Variants in GALNT13 observed in about 807,000 individuals in gnomAD.
The protein encoded by GALNT13 is UDP-GalNAc:polypeptide N-acetylgalactosaminyltransferase 13.
In GALNT13, 28 loss-of-function variants were observed where a neutral mutation model predicts 64.2. The observed-to-expected ratio is 0.44, with a 90% CI of 0.32 to 0.60. GALNT13 has a LOEUF of 0.60. GALNT13 is among the 20% of genes least tolerant of loss of function. The pLI, the probability that GALNT13 is intolerant of heterozygous loss-of-function variation, is 0.05. For missense variants in GALNT13, 577 were observed against 669.8 expected, an observed-to-expected ratio of 0.86 and a Z score of 1.53; for synonymous variants, 214 against 224.6, an observed-to-expected ratio of 0.95 and a Z score of 0.42.
chr2:154,176,689 G>A (rs555223860), intron 4 of GALNT13, among the ~76,000 whole-genome samples: 2 of 152,228 alleles, frequency 1.3e-5, no homozygotes, highest in East Asian at 1.9e-4. Flanking sequence ...ACCAGGAAGA[G>A]GAAAACCATG....
At chr2:154,150,188 T>G (rs1020478558) in intron 4 of GALNT13, among the ~76,000 whole-genome samples, 2 of 152,236 alleles carry the variant, frequency 1.3e-5, no homozygotes, top group African/African-American at 4.8e-5. Context: ...GAGATAATCA[T>G]GTGGTTTTTG....
chr2:154,151,309 T>G (rs958499105), intron 4 of GALNT13, among the ~76,000 whole-genome samples: 3 of 152,202 alleles, frequency 2.0e-5, no homozygotes, highest in Admixed American at 6.5e-5. Context: ...TTGTTATAAT[T>G]TCTGTTCTTT....
the GALNT13 span, among the ~76,000 whole-genome samples, chr2:153,385,320 T>A: frequency 6.6e-6 from 1 of 152,092 alleles, no homozygotes; most frequent in African/African-American, 2.4e-5. Flanking sequence ...AAAGAAAATG[T>A]GGTACATATA....
At chr2:153,367,098 A>G in the GALNT13 span, among the ~76,000 whole-genome samples, 1 of 152,268 alleles carries the variant, frequency 6.6e-6, no homozygotes, top group South Asian at 2.1e-4. Context: ...AATGTATCAC[A>G]GAGAGACTGA....
chr2:154,104,583 G>A (rs942189745), intron 3 of GALNT13, among the ~76,000 whole-genome samples: 4 of 152,150 alleles, frequency 2.6e-5, no homozygotes, highest in South Asian at 2.1e-4. Flanking sequence ...ACAAAACAAT[G>A]CTCCCCTCTT....
At chr2:153,232,514 G>T in the GALNT13 span, among the ~76,000 whole-genome samples, 1 of 152,108 alleles carries the variant, frequency 6.6e-6, no homozygotes, top group African/African-American at 2.4e-5. Context: ...TTAAGACCTC[G>T]CTATAATTTC....
the GALNT13 span, among the ~76,000 whole-genome samples, chr2:153,708,811 G>A: frequency 3.9e-4 from 60 of 152,144 alleles, no homozygotes; most frequent in Non-Finnish European, 6.2e-4. Context: ...TTGACCAATG[G>A]AATATAATAG....
the GALNT13 span, among the ~76,000 whole-genome samples, chr2:153,250,735 A>G: frequency 6.6e-6 from 1 of 152,174 alleles, no homozygotes; most frequent in African/African-American, 2.4e-5. Context: ...TTCCGGGGAC[A>G]TGGATGAAGC....
intron 9 of GALNT13, among the ~76,000 whole-genome samples, chr2:154,366,694 C>T (rs896462522): frequency 2.6e-5 from 4 of 152,110 alleles, no homozygotes; most frequent in Admixed American, 2.0e-4. Flanking sequence ...CGGGAATTTG[C>T]GCACCGTGGG....
chr2:153,399,209 G>A, the GALNT13 span, among the ~76,000 whole-genome samples: 1 of 148,410 alleles, frequency 6.7e-6, no homozygotes, highest in Admixed American at 6.7e-5. Flanking sequence ...GTTTTTCTCA[G>A]GTTTGTCAAA....
the GALNT13 span, among the ~76,000 whole-genome samples, chr2:153,517,182 G>C: frequency 6.6e-6 from 1 of 152,072 alleles, no homozygotes; most frequent in Admixed American, 6.6e-5. Flanking sequence ...ATAAAAAATA[G>C]TACATATACT....
chr2:153,251,012 C>T, the GALNT13 span, among the ~76,000 whole-genome samples: 1 of 152,120 alleles, frequency 6.6e-6, no homozygotes, highest in African/African-American at 2.4e-5. Flanking sequence ...CCTGCACATT[C>T]TGCACATGTA....
At chr2:153,439,916 T>C in the GALNT13 span, among the ~76,000 whole-genome samples, 1 of 152,186 alleles carries the variant, frequency 6.6e-6, no homozygotes, top group Admixed American at 6.5e-5. Context: ...TCGCTCACGC[T>C]GGGAGCTGCA....
At chr2:153,684,717 T>G in the GALNT13 span, among the ~76,000 whole-genome samples, 1 of 151,706 alleles carries the variant, frequency 6.6e-6, no homozygotes, top group African/African-American at 2.4e-5. Flanking sequence ...AACTTGTGTC[T>G]TGGGGGCTTG....
intron 3 of GALNT13, among the ~76,000 whole-genome samples, chr2:154,095,587 A>G (rs1253978392): frequency 2.6e-5 from 4 of 151,956 alleles, no homozygotes; most frequent in South Asian, 2.1e-4. Context: ...CTTAATGCCT[A>G]TGGTTTCCCT....
chr2:153,207,255 C>T, the GALNT13 span, among the ~76,000 whole-genome samples: 1 of 152,062 alleles, frequency 6.6e-6, no homozygotes, highest in African/African-American at 2.4e-5. Flanking sequence ...GATTGTCTTT[C>T]CATGATGCGT....
chr2:154,087,271 A>G (rs186161421), intron 3 of GALNT13, among the ~76,000 whole-genome samples: 57 of 152,232 alleles, frequency 3.7e-4, no homozygotes, highest in African/African-American at 1.2e-3. Context: ...TATGAAATCA[A>G]TAAGACCTTA....
the GALNT13 span, among the ~76,000 whole-genome samples, chr2:153,133,035 AT>A: frequency 0.041 from 5,359 of 129,336 alleles, 136 homozygotes; most frequent in East Asian, 0.2. Flanking sequence ...AACTGTGTTA[AT>A]TTTTTTTTTT....
the GALNT13 span, among the ~76,000 whole-genome samples, chr2:153,744,691 C>T: frequency 2.0e-5 from 3 of 152,058 alleles, no homozygotes; most frequent in Non-Finnish European, 4.4e-5. Context: ...AAAAAAGATA[C>T]ATTCTTTTTA....
Sources: gnomAD v4.1 joint callset for allele counts (sites outside exome capture counted in the v4.1 genomes callset) on GRCh38, gnomAD v4.1.1 for gene constraint, MANE v1.5 for transcripts, NCBI Gene and HGNC (gene_info 2026-07-23, HGNC 2026-07-21) for gene names.